Variants in VWA8 observed in about 807,000 individuals in gnomAD.
VWA8 encodes the protein von Willebrand factor A domain containing 8.
A neutral mutation model predicts 241.5 loss-of-function variants in VWA8; 221 were observed. The ratio of observed to expected loss-of-function variants is 0.91; its 90% CI spans 0.82 to 1.02. The LOEUF is 1.02. Among genes scored for constraint, VWA8 ranks in the 50% least tolerant of loss-of-function variants. The pLI is 0.00. For missense variants in VWA8, 2,322 were observed against 2,328.7 expected, an observed-to-expected ratio of 1.00 and a Z score of 0.06; for synonymous variants, 852 against 827.1, an observed-to-expected ratio of 1.03 and a Z score of -0.52.
rs1014004331 is a variant in VWA8, at chr13:41,863,990, G to A, written c.1425+1746C>T. Among the ~76,000 whole-genome samples, 5 of 152,152 alleles carry A rather than the reference G, an allele frequency of 3.3e-5. No homozygotes were observed. The South Asian group carries it at 1.0e-3, about 32-fold the overall frequency. ...GAGAAAAAATAAATAAGACAGACAT[G>A]GGTAAGGGTCTCGAATAGGTATTTC... On this transcript the variant is annotated intron_variant, in intron 12 of 44. Transcript: ENST00000379310.
chr13:41,692,431 A>AT (rs1230819637), intron 30 of VWA8, among the ~76,000 whole-genome samples: 1 of 152,058 alleles, frequency 6.6e-6, no homozygotes, highest in Non-Finnish European at 1.5e-5. Flanking sequence ...CTATTTACTT[A>AT]CTAGTTTAAT....
intron 38 of VWA8, among the ~76,000 whole-genome samples, chr13:41,612,706 G>A (rs1024683712): frequency 1.3e-5 from 2 of 152,110 alleles, no homozygotes; most frequent in African/African-American, 4.8e-5. Flanking sequence ...GTTCATTCAC[G>A]TATAACTTGA....
chr13:41,707,899 G>A (rs937848372), intron 26 of VWA8, among the ~76,000 whole-genome samples: 1 of 152,032 alleles, frequency 6.6e-6, no homozygotes, highest in Admixed American at 6.5e-5. Context: ...TGGGAAAAAT[G>A]AATTCCTTAC....
intron 20 of VWA8, 117 bp downstream of exon 20, chr13:41,777,864 TTTAA>T: frequency 1.3e-6 from 1 of 795,252 alleles, no homozygotes. Flanking sequence ...AGTCTCATCC[TTTAA>T]TTAAACCAGT....
chr13:41,584,831 G>A (rs2044406134), intron 42 of VWA8, among the ~76,000 whole-genome samples: 1 of 152,174 alleles, frequency 6.6e-6, no homozygotes, highest in African/African-American at 2.4e-5. Context: ...TGTGGCAACT[G>A]AAGAGAGTAT....
rs150880562 is a variant in VWA8 at position 41,653,723 on chromosome 13, A to T, written c.4611+17223T>A. On this transcript the variant is annotated intron_variant, in intron 37 of 44. Coordinates refer to ENST00000379310, the MANE Select transcript of VWA8 (RefSeq NM_015058.2). The stretch of plus-strand genomic sequence containing the variant: ...GGTACAAAAACAGACACATAGACCA[A>T]TGGAACAGAATAGAGAACCCAGAAA... Among the ~76,000 whole-genome samples, 1,022 of 152,298 alleles carry T rather than the reference A, an allele frequency of 6.7e-3. 6 individuals are homozygous for T. Among genetic ancestry groups the T allele is most frequent in the Middle Eastern group, 0.027 (8 of 294 alleles).
intron 26 of VWA8, among the ~76,000 whole-genome samples, chr13:41,710,645 A>G (rs1290819793): frequency 6.6e-6 from 1 of 152,208 alleles, no homozygotes; most frequent in Non-Finnish European, 1.5e-5. Context: ...TACACCTTAG[A>G]ACTCCACGAT....
chr13:41,915,269 G>A (rs1876197974), intron 2 of VWA8, among the ~76,000 whole-genome samples: 1 of 152,184 alleles, frequency 6.6e-6, no homozygotes, highest in African/African-American at 2.4e-5. Context: ...TGATGCACAT[G>A]TACTGAGAAA....
chr13:41,690,263 T>G lies in VWA8; in HGVS notation c.3879A>C (p.Leu1293Phe). 6.2e-7 allele frequency: 1 copy of G among 1,607,218 alleles called. No homozygotes were observed. Among genetic ancestry groups the G allele is most frequent in the South Asian group, 1.1e-5 (1 of 89,664 alleles). The change falls in exon 33 of 45, where the codon TTA (leucine) becomes TTC (phenylalanine). Residue 1293 changes from leucine to phenylalanine, a missense_variant. By Grantham distance (22) the Leu-to-Phe change is conservative. Transcript: ENST00000379310. ...VESKTNQKYL[L>F]TKPAHIESEG... is the part of the protein sequence containing the mutation. ...CAGATTCGATGTGTGCAGGCTTAGT[T>G]AAAAGATATTTCCTGCAAACAAACA...
chr13:41,839,246 G>A (rs1447737931), intron 12 of VWA8, among the ~76,000 whole-genome samples: 4 of 152,190 alleles, frequency 2.6e-5, no homozygotes, highest in Non-Finnish European at 4.4e-5. Context: ...TGTAATGACC[G>A]GTGATGATGA....
chr13:41,712,081 A>C (rs1391362200), intron 26 of VWA8, among the ~76,000 whole-genome samples: 1 of 152,100 alleles, frequency 6.6e-6, no homozygotes, highest in Non-Finnish European at 1.5e-5. Flanking sequence ...TAGATACCAG[A>C]GGTTGGGAAG....
intron 26 of VWA8, among the ~76,000 whole-genome samples, chr13:41,713,837 A>G (rs1345608985): frequency 6.6e-6 from 1 of 152,194 alleles, no homozygotes; most frequent in Non-Finnish European, 1.5e-5. Flanking sequence ...GAGAAAAAGT[A>G]GAGATGGGAA....
chr13:41,570,422 A>G, intron 44 of VWA8, 46 bp downstream of exon 44: 1 of 1,533,826 alleles, frequency 6.5e-7, no homozygotes, highest in South Asian at 1.1e-5. Context: ...TTAGCTACTC[A>G]GTATCTCTGT....
At position 41,611,628 on chromosome 13, in the gene VWA8, CG is replaced by C; in HGVS notation, c.4824del (p.Glu1609LysfsTer19). 6.2e-7 allele frequency: 1 copy of C among 1,614,068 alleles called. No homozygotes were observed. The highest frequency in any genetic ancestry group is 8.5e-7 in the Non-Finnish European group (1 of 1,179,956). ...QVSQAEKDAVPEEVKRAAREM... is the reference protein window; with the variant it reads ...QVSQAEKDAVXEEVKRAAREM... ...TCTCTAGCAGCTCTCTTGACCTCTT[CG>C]GGAACTGCATCTTTCTCAGCCTGAG... On this transcript the variant is annotated frameshift_variant, in exon 39 of 45. Transcript: ENST00000379310. LOFTEE classifies it high-confidence loss of function.
intron 1 of VWA8, among the ~76,000 whole-genome samples, chr13:41,960,368 T>TAA (rs1229570630): frequency 6.6e-6 from 1 of 152,128 alleles, no homozygotes; most frequent in Non-Finnish European, 1.5e-5. Flanking sequence ...GGGATGCATT[T>TAA]AAAACACCGT....
At chr13:41,568,829 T>TGG (rs1394198048) in intron 44 of VWA8, among the ~76,000 whole-genome samples, 4 of 152,376 alleles carry the variant, frequency 2.6e-5, no homozygotes, top group African/African-American at 9.6e-5. Flanking sequence ...AAATGCGATC[T>TGG]GGATTGTCCA....
intron 32 of VWA8, among the ~76,000 whole-genome samples, chr13:41,690,551 C>T (rs1442137957): frequency 1.3e-5 from 2 of 152,056 alleles, no homozygotes; most frequent in African/African-American, 4.8e-5. Context: ...TAATGGGGTG[C>T]ACTCTTATTA....
intron 10 of VWA8, among the ~76,000 whole-genome samples, chr13:41,866,375 A>C (rs34599125): frequency 6.9e-6 from 1 of 145,768 alleles, no homozygotes; most frequent in Non-Finnish European, 1.5e-5. Context: ...ATATATATAT[A>C]TGTGTGTGTG....
chr13:41,936,978 T>C (rs1877379868), intron 2 of VWA8, among the ~76,000 whole-genome samples: 1 of 152,194 alleles, frequency 6.6e-6, no homozygotes, highest in Non-Finnish European at 1.5e-5. Flanking sequence ...TGTCATAGTG[T>C]CATAACACTG....
Sources: gnomAD v4.1 joint callset for allele counts (sites outside exome capture counted in the v4.1 genomes callset) on GRCh38, gnomAD v4.1.1 for gene constraint, MANE v1.5 for transcripts, NCBI Gene and HGNC (gene_info 2026-07-23, HGNC 2026-07-21) for gene names.